Variants in ZNF536 observed in about 807,000 individuals in gnomAD.
ZNF536 encodes zinc finger protein 536.
In ZNF536, 13 loss-of-function variants were observed where a neutral mutation model predicts 84.5. The observed-to-expected ratio is 0.15, with a 90% CI of 0.10 to 0.24. The LOEUF (loss-of-function observed/expected upper bound fraction) is 0.24, where lower values mean the gene tolerates loss of function less well. ZNF536 is among the 10% of genes least tolerant of loss of function. ZNF536 has a pLI of 1.00. For synonymous variants in ZNF536, 811 were observed against 742.5 expected, an observed-to-expected ratio of 1.09 and a Z score of -1.50; for missense variants, 1,536 against 1,747.5, an observed-to-expected ratio of 0.88 and a Z score of 2.16.
chr19:30,459,892 C>T lies in ZNF536; in HGVS notation c.2170+14160C>T, dbSNP rs577154874. ...TCAAGATGGTTTAGTTCCTGCCCAA[C>T]ATGCCACAGTGAGTCTCAATTCAAA... is the stretch of plus-strand genomic sequence containing the variant. On this transcript the variant is annotated intron_variant, in intron 2 of 4. Transcript: ENST00000355537. Among the ~76,000 whole-genome samples, 8 of 152,278 alleles carry T rather than the reference C, an allele frequency of 5.3e-5. No individual in the cohort carries two copies. The East Asian group carries it at 5.8e-4, about 11-fold the overall frequency.
chr19:30,498,261 A>T (rs2054802723), intron 2 of ZNF536, among the ~76,000 whole-genome samples: 1 of 152,238 alleles, frequency 6.6e-6, no homozygotes, highest in Admixed American at 6.5e-5. Flanking sequence ...TGCAGCCATA[A>T]AAAGGAAGGA....
chr19:30,610,802 G>T (rs1194062229), intron 1 of ZNF536, among the ~76,000 whole-genome samples: 3 of 152,134 alleles, frequency 2.0e-5, no homozygotes, highest in Non-Finnish European at 4.4e-5. Flanking sequence ...GACATGCAAG[G>T]CCACACCCAG....
intron 1 of ZNF536, among the ~76,000 whole-genome samples, chr19:30,571,696 G>A (rs766295250): frequency 2.0e-5 from 3 of 152,076 alleles, no homozygotes; most frequent in African/African-American, 7.2e-5. Flanking sequence ...CCAACATCCG[G>A]CTTCCTCCCA....
intron 1 of ZNF536, among the ~76,000 whole-genome samples, chr19:30,244,303 C>T (rs985483844): frequency 1.3e-5 from 2 of 152,112 alleles, no homozygotes; most frequent in Non-Finnish European, 2.9e-5. Context: ...GATCCACCCC[C>T]CCACCCCTCA....
chr19:30,410,791 T>C (rs1407781093), intron 1 of ZNF536, among the ~76,000 whole-genome samples: 1 of 152,116 alleles, frequency 6.6e-6, no homozygotes, highest in East Asian at 1.9e-4. Context: ...TGAAGGTCTT[T>C]TTAAAATCTC....
At chr19:30,566,640 G>C (rs1157103963) in intron 1 of ZNF536, among the ~76,000 whole-genome samples, 2 of 151,434 alleles carry the variant, frequency 1.3e-5, no homozygotes, top group Admixed American at 1.3e-4. Flanking sequence ...TCCGGGCAGT[G>C]GGGGGATCCC....
At chr19:30,669,077 C>T (rs2050446052) in intron 1 of ZNF536, among the ~76,000 whole-genome samples, 1 of 152,214 alleles carries the variant, frequency 6.6e-6, no homozygotes, top group South Asian at 2.1e-4. Context: ...ATGAATGTGG[C>T]AGTCCTGGAG....
intron 2 of ZNF536, among the ~76,000 whole-genome samples, chr19:30,316,234 T>C (rs1419583176): frequency 6.6e-6 from 1 of 152,236 alleles, no homozygotes; most frequent in African/African-American, 2.4e-5. Context: ...ATTGTATACA[T>C]GTCTACCAAT....
At chr19:30,475,597 G>A (rs1384280661) in intron 2 of ZNF536, among the ~76,000 whole-genome samples, 2 of 152,166 alleles carry the variant, frequency 1.3e-5, no homozygotes, top group Non-Finnish European at 2.9e-5. Context: ...GCCACAGTAG[G>A]CATCTTGTCT....
Position 30,443,811 on chromosome 19 carries a change from C to T in ZNF536, c.249C>T (p.Leu83=), listed in dbSNP as rs2052180993. The part of the protein sequence containing the change: ...SGQPMGSQMA[L]LANQLGREVD... ...AGCCCATGGGCAGTCAGATGGCGCTCCTGGCCAACCAGCTGGGCCGGGAGG... is the reference window on the plus strand; with the variant it reads ...AGCCCATGGGCAGTCAGATGGCGCTTCTGGCCAACCAGCTGGGCCGGGAGG... Residue 83 remains leucine (L), a synonymous_variant, in exon 2 of 5, where the codon CTC becomes CTT. Transcript: ENST00000355537. 1.2e-6 allele frequency: 2 copies of T among 1,613,212 alleles called. No individual in the cohort carries two copies. Among genetic ancestry groups the T allele is most frequent in the Non-Finnish European group, 1.7e-6 (2 of 1,179,840 alleles).
At chr19:30,700,045 T>C (rs1198400885) in intron 1 of ZNF536, among the ~76,000 whole-genome samples, 2 of 148,608 alleles carry the variant, frequency 1.3e-5, no homozygotes, top group African/African-American at 4.9e-5. Context: ...CTTTCTTTCT[T>C]TCTCTCCCTC....
chr19:30,679,326 A>C (rs2050876404), intron 1 of ZNF536, among the ~76,000 whole-genome samples: 1 of 152,192 alleles, frequency 6.6e-6, no homozygotes, highest in Non-Finnish European at 1.5e-5. Flanking sequence ...CAGCTAGATG[A>C]TGGAGGTGAG....
At chr19:30,250,464 T>C (rs2024544030) in intron 1 of ZNF536, among the ~76,000 whole-genome samples, 2 of 152,126 alleles carry the variant, frequency 1.3e-5, no homozygotes, top group African/African-American at 4.8e-5. Context: ...TTGGGGCAGG[T>C]CTCTCTGGCA....
chr19:30,687,816 A>G (rs2051248829), intron 1 of ZNF536, among the ~76,000 whole-genome samples: 1 of 151,376 alleles, frequency 6.6e-6, no homozygotes, highest in South Asian at 2.1e-4. Context: ...TATGCCTAGT[A>G]TTTCATTCTG....
intron 1 of ZNF536, among the ~76,000 whole-genome samples, chr19:30,676,715 G>A (rs2050765550): frequency 6.6e-6 from 1 of 152,154 alleles, no homozygotes; most frequent in Non-Finnish European, 1.5e-5. Context: ...GAGCCTTAGA[G>A]AATTAAACTT....
chr19:30,642,886 C>T (rs768940916), intron 1 of ZNF536, among the ~76,000 whole-genome samples: 32 of 152,116 alleles, frequency 2.1e-4, no homozygotes, highest in Non-Finnish European at 1.5e-4. Context: ...GGTGAGAGCC[C>T]AGCTCCCTGA....
At chr19:30,457,952 G>A (rs935055719) in intron 2 of ZNF536, among the ~76,000 whole-genome samples, 1 of 152,202 alleles carries the variant, frequency 6.6e-6, no homozygotes, top group African/African-American at 2.4e-5. Flanking sequence ...TTTGGGTGGT[G>A]GGTGGGACAT....
chr19:30,613,672 T>C (rs7259428), intron 1 of ZNF536, among the ~76,000 whole-genome samples: 56,433 of 152,098 alleles, frequency 0.37, 10,655 homozygotes, highest in Middle Eastern at 0.48. Context: ...TAACTAAAAC[T>C]GTACCAAAAG....
At chr19:30,501,925 G>A (rs1391314243) in intron 2 of ZNF536, among the ~76,000 whole-genome samples, 1 of 152,220 alleles carries the variant, frequency 6.6e-6, no homozygotes, top group Non-Finnish European at 1.5e-5. Context: ...ATGGGCTAAG[G>A]GAGGTAGCTC....
Sources: allele counts gnomAD v4.1 joint callset (sites outside exome capture counted in the v4.1 genomes callset), GRCh38; gene constraint gnomAD v4.1.1; transcripts MANE v1.5; gene names NCBI Gene and HGNC (gene_info 2026-07-23, HGNC 2026-07-21).